FGF14: variants seen among roughly 807,000 people sequenced by gnomAD.
FGF14 encodes the protein fibroblast growth factor homologous factor 4.
A neutral mutation model predicts 25.5 loss-of-function variants in FGF14; 5 were observed. The observed-to-expected ratio is 0.20, with a 90% CI of 0.10 to 0.41. FGF14 has a LOEUF of 0.41. FGF14 is among the 10% of genes least tolerant of loss of function. FGF14 has a pLI of 1.00. For synonymous variants in FGF14, 138 were observed against 118.3 expected, an observed-to-expected ratio of 1.17 and a Z score of -1.08; for missense variants, 222 against 320.1, an observed-to-expected ratio of 0.69 and a Z score of 2.34.
intron 1 of FGF14, among the ~76,000 whole-genome samples, chr13:102,301,438 G>C (rs1024996161): frequency 6.6e-6 from 1 of 152,184 alleles, no homozygotes; most frequent in African/African-American, 2.4e-5. Flanking sequence ...CCTGCTAAGA[G>C]TATGTTGGAA....
At chr13:102,207,052 T>A (rs995806217) in intron 1 of FGF14, among the ~76,000 whole-genome samples, 6 of 152,042 alleles carry the variant, frequency 3.9e-5, no homozygotes, top group Non-Finnish European at 8.8e-5. Context: ...GAGGCTGAGG[T>A]AGGCAGATCG....
intron 3 of FGF14, among the ~76,000 whole-genome samples, chr13:101,778,671 A>C (rs953430992): frequency 6.6e-6 from 1 of 152,264 alleles, no homozygotes. Context: ...CTTTAGGCCC[A>C]CACAACCTCT....
At chr13:102,356,491 G>C (rs1360528735) in intron 1 of FGF14, among the ~76,000 whole-genome samples, 1 of 152,202 alleles carries the variant, frequency 6.6e-6, no homozygotes, top group African/African-American at 2.4e-5. Context: ...CAACCACATA[G>C]AGTACATTAA....
chr13:101,922,770 C>T (rs575969639), intron 1 of FGF14, among the ~76,000 whole-genome samples: 1 of 151,388 alleles, frequency 6.6e-6, no homozygotes, highest in Non-Finnish European at 1.5e-5. Flanking sequence ...TTGTGGCATA[C>T]ATTGTTTGCC....
intron 1 of FGF14, among the ~76,000 whole-genome samples, chr13:101,972,942 G>A (rs187246111): frequency 6.6e-6 from 1 of 152,286 alleles, no homozygotes; most frequent in Non-Finnish European, 1.5e-5. Flanking sequence ...AGATAAGCTT[G>A]ATGAAGAATT....
intron 1 of FGF14, among the ~76,000 whole-genome samples, chr13:102,073,679 A>T (rs2043237887): frequency 1.3e-5 from 2 of 152,226 alleles, no homozygotes; most frequent in South Asian, 4.1e-4. Context: ...CTTTCATGCT[A>T]ACTGGGAAAA....
intron 1 of FGF14, among the ~76,000 whole-genome samples, chr13:102,324,850 AAAT>A (rs2056371197): frequency 6.6e-6 from 1 of 152,226 alleles, no homozygotes; most frequent in Non-Finnish European, 1.5e-5. Context: ...GAATACACTT[AAAT>A]AATAACTCCT....
intron 1 of FGF14, among the ~76,000 whole-genome samples, chr13:102,001,437 T>G (rs113150934): frequency 0.018 from 2,709 of 152,214 alleles, 95 homozygotes; most frequent in African/African-American, 0.062. Flanking sequence ...CTTTCACACC[T>G]GGGTGCCCAG....
chr13:101,838,258 A>T (rs1024936708), intron 3 of FGF14, among the ~76,000 whole-genome samples: 1 of 151,926 alleles, frequency 6.6e-6, no homozygotes, highest in Admixed American at 6.6e-5. Context: ...ATATATATAT[A>T]TTTTTAAAAA....
At chr13:102,393,483 C>G (rs2058484721) in intron 1 of FGF14, among the ~76,000 whole-genome samples, 1 of 152,104 alleles carries the variant, frequency 6.6e-6, no homozygotes, top group Non-Finnish European at 1.5e-5. Context: ...TTTTCAACTT[C>G]TTAATTTACA....
At chr13:102,130,868 T>C (rs1320727867) in intron 1 of FGF14, among the ~76,000 whole-genome samples, 1 of 151,502 alleles carries the variant, frequency 6.6e-6, no homozygotes, top group Non-Finnish European at 1.5e-5. Flanking sequence ...CCGAAGGCTA[T>C]AATAACAGAT....
Position 101,980,618 on chromosome 13 carries a change from C to T in FGF14, c.209-105322G>A, listed in dbSNP as rs540140824. On this transcript the variant is annotated intron_variant, in intron 1 of 4. Transcript: ENST00000376131. ...GCTTGAAAACATCTCTTATGGGTTC[C>T]GCAATATTCCAATACATTTGCTACA... Among the ~76,000 whole-genome samples the T allele has an allele frequency of 3.3e-5, 5 of 152,218 alleles. No individual in the cohort carries two copies. The East Asian group carries it at 7.7e-4, about 24-fold the overall frequency.
chr13:102,003,112 G>T (rs2039588597), intron 1 of FGF14: 1 of 152,044 alleles, frequency 6.6e-6, no homozygotes, highest in Admixed American at 6.5e-5. Context: ...AAAAATGAGA[G>T]AATTAAAATT....
chr13:101,869,299 C>T (rs944112840), intron 2 of FGF14, among the ~76,000 whole-genome samples: 3 of 152,066 alleles, frequency 2.0e-5, no homozygotes, highest in Non-Finnish European at 4.4e-5. Context: ...GTGGTAGAAC[C>T]AATATGATAC....
In FGF14 at chr13:101,805,858, C is replaced by G. The variant is rs142073764; in HGVS notation, c.408+62867G>C. On this transcript the variant is annotated intron_variant, in intron 3 of 4. Transcript: ENST00000376143. ...TAAAAATATATCAAAAAACAAAAGC[C>G]CAAATGGAGTTCTAAAAAATTTTCC... Among the ~76,000 whole-genome samples the G allele has an allele frequency of 7.9e-3, 1,206 of 151,882 alleles. 18 individuals are homozygous for G. The highest frequency in any genetic ancestry group is 0.028 in the African/African-American group (1,150 of 41,424).
intron 1 of FGF14, among the ~76,000 whole-genome samples, chr13:101,943,822 A>ATATATATATATATAT (rs1266549387): frequency 1.3e-4 from 16 of 122,470 alleles, no homozygotes; most frequent in African/African-American, 7.8e-4. Flanking sequence ...TAAAAAAAAA[A>ATATATATATATATAT]AAAAATATAT....
intron 1 of FGF14, among the ~76,000 whole-genome samples, chr13:102,339,417 T>C (rs1461247293): frequency 6.6e-6 from 1 of 152,064 alleles, no homozygotes; most frequent in Non-Finnish European, 1.5e-5. Context: ...ATGGAAATGA[T>C]CAAAGACATA....
chr13:101,920,254 G>C (rs909592196), upstream of FGF14, among the ~76,000 whole-genome samples: 6 of 152,312 alleles, frequency 3.9e-5, no homozygotes, highest in African/African-American at 1.4e-4. Flanking sequence ...CCTTGGAGTT[G>C]TTAATTTTAC....
intron 3 of FGF14, among the ~76,000 whole-genome samples, chr13:101,779,292 G>C (rs1222792072): frequency 3.3e-5 from 5 of 152,088 alleles, no homozygotes; most frequent in Non-Finnish European, 5.9e-5. Context: ...GTTGTAGCTG[G>C]GATCAAAAGT....
Sources: allele counts gnomAD v4.1 joint callset (sites outside exome capture counted in the v4.1 genomes callset), GRCh38; gene constraint gnomAD v4.1.1; transcripts MANE v1.5; gene names NCBI Gene and HGNC (gene_info 2026-07-23, HGNC 2026-07-21).